DAB2IP: variants seen among roughly 807,000 people sequenced by gnomAD.
The protein encoded by DAB2IP is DAB2 interacting protein, also known as disabled homolog 2-interacting protein.
DAB2IP carries 28 observed loss-of-function variants against 107.2 expected under a neutral mutation model. That is an observed-to-expected ratio of 0.26 (90% CI 0.19 to 0.36). The LOEUF (loss-of-function observed/expected upper bound fraction) is 0.36. Among genes scored for constraint, DAB2IP ranks in the 10% least tolerant of loss-of-function variants. The pLI is 1.00. For missense variants in DAB2IP, 1,400 were observed against 1,644.7 expected, an observed-to-expected ratio of 0.85 and a Z score of 2.57; for synonymous variants, 755 against 706.4, an observed-to-expected ratio of 1.07 and a Z score of -1.09.
chr9:121,654,606 G>A (rs1832899113), intron 1 of DAB2IP, among the ~76,000 whole-genome samples: 3 of 152,212 alleles, frequency 2.0e-5, no homozygotes. Context: ...AGCCTCAGAC[G>A]CCTGACTCTA....
intron 1 of DAB2IP, among the ~76,000 whole-genome samples, chr9:121,674,895 G>GTGTGGT (rs1833831751): frequency 6.6e-6 from 1 of 150,758 alleles, no homozygotes; most frequent in African/African-American, 2.4e-5. Context: ...GTGTGTGTGT[G>GTGTGGT]GTGTGTGTGT....
chr9:121,656,660 T>C (rs977595930), intron 1 of DAB2IP, among the ~76,000 whole-genome samples: 1 of 152,212 alleles, frequency 6.6e-6, no homozygotes, highest in African/African-American at 2.4e-5. Context: ...TGGCTCCTTT[T>C]TGTTACGGCT....
intron 1 of DAB2IP, among the ~76,000 whole-genome samples, chr9:121,610,777 G>T (rs1831065870): frequency 6.6e-6 from 1 of 152,132 alleles, no homozygotes; most frequent in South Asian, 2.1e-4. Flanking sequence ...GCGGTATGCA[G>T]GCTCCATGAG....
chr9:121,639,677 A>G (rs1034525004), intron 1 of DAB2IP, among the ~76,000 whole-genome samples: 1 of 152,168 alleles, frequency 6.6e-6, no homozygotes, highest in African/African-American at 2.4e-5. Flanking sequence ...CATCTGTACC[A>G]TGAGGTTTAT....
exon 16 of DAB2IP, chr9:121,783,151 C>G: frequency 9.2e-7 from 1 of 1,083,198 alleles, no homozygotes; most frequent in Non-Finnish European, 1.1e-6. Flanking sequence ...TGAACCTGTC[C>G]CCAGAGCACC....
intron 3 of DAB2IP, among the ~76,000 whole-genome samples, chr9:121,745,193 G>A (rs1832640429): frequency 6.6e-6 from 1 of 152,158 alleles, no homozygotes; most frequent in South Asian, 2.1e-4. Context: ...GCTGTGTGAG[G>A]GTCAGAGGTG....
chr9:121,623,557 G>A (rs1831546281), intron 1 of DAB2IP, among the ~76,000 whole-genome samples: 1 of 152,050 alleles, frequency 6.6e-6, no homozygotes, highest in Admixed American at 6.6e-5. Context: ...TGTAGAGATG[G>A]GGGTCTGGCT....
intron 1 of DAB2IP, among the ~76,000 whole-genome samples, chr9:121,589,805 C>T (rs995049664): frequency 6.6e-6 from 1 of 152,136 alleles, no homozygotes; most frequent in Non-Finnish European, 1.5e-5. Context: ...GTCATAAAAG[C>T]TTGGCATTGC....
chr9:121,781,339 C>G (rs1168173802), intron 14 of DAB2IP, 125 bp from the exon 15 acceptor site: 1 of 906,776 alleles, frequency 1.1e-6, no homozygotes, highest in Non-Finnish European at 1.7e-6. Flanking sequence ...AGGCAAGTCT[C>G]TGACCCAAGG....
chr9:121,675,554 C>T (rs1833868139), intron 1 of DAB2IP, among the ~76,000 whole-genome samples: 1 of 152,168 alleles, frequency 6.6e-6, no homozygotes, highest in Non-Finnish European at 1.5e-5. Flanking sequence ...AGGTTTGCAT[C>T]CTGAGACTAA....
intron 2 of DAB2IP, among the ~76,000 whole-genome samples, chr9:121,687,842 A>G (rs1295261454): frequency 2.0e-5 from 3 of 152,198 alleles, no homozygotes; most frequent in Non-Finnish European, 2.9e-5. Flanking sequence ...CGCCTGGACC[A>G]TAGCATGCAG....
intron 1 of DAB2IP, among the ~76,000 whole-genome samples, chr9:121,613,955 C>T (rs1452573485): frequency 6.6e-6 from 1 of 152,130 alleles, no homozygotes; most frequent in East Asian, 1.9e-4. Flanking sequence ...CTGCCCTGTC[C>T]CTCATGGCTC....
intron 1 of DAB2IP, among the ~76,000 whole-genome samples, chr9:121,578,451 C>T (rs1037546554): frequency 5.3e-5 from 8 of 151,960 alleles, no homozygotes; most frequent in Non-Finnish European, 8.8e-5. Context: ...CTACCGTGCC[C>T]GGCAGCAAGA....
chr9:121,732,585 T>C (rs12000584), intron 3 of DAB2IP, among the ~76,000 whole-genome samples: 4,978 of 152,090 alleles, frequency 0.033, 292 homozygotes, highest in African/African-American at 0.11. Context: ...TGTGGGCTGA[T>C]GACATACATT....
chr9:121,644,363 G>A (rs538268717), intron 1 of DAB2IP, among the ~76,000 whole-genome samples: 1 of 152,278 alleles, frequency 6.6e-6, no homozygotes, highest in African/African-American at 2.4e-5. Context: ...TGGGGAGGCT[G>A]AGGCAGGTGG....
intron 1 of DAB2IP, among the ~76,000 whole-genome samples, chr9:121,590,202 G>A (rs531993950): frequency 6.6e-6 from 1 of 150,950 alleles, no homozygotes; most frequent in Admixed American, 6.7e-5. Context: ...AGTGAGGTCT[G>A]TGCATTTCCA....
At chr9:121,720,742 T>C (rs1830876758) in intron 3 of DAB2IP, among the ~76,000 whole-genome samples, 2 of 152,082 alleles carry the variant, frequency 1.3e-5, no homozygotes, top group Non-Finnish European at 2.9e-5. Flanking sequence ...GCAGGGCTCC[T>C]GGGGGCTGCA....
intron 15 of DAB2IP, 108 bp downstream of exon 15, chr9:121,781,659 G>A: frequency 8.8e-7 from 1 of 1,138,904 alleles, no homozygotes; most frequent in Admixed American, 2.0e-5. Context: ...ACACTGAGGG[G>A]AATAAGAAAC....
chr9:121,656,093 C>T (rs979641057), intron 1 of DAB2IP, among the ~76,000 whole-genome samples: 5 of 151,826 alleles, frequency 3.3e-5, no homozygotes, highest in African/African-American at 1.2e-4. Flanking sequence ...ACCGCAACCT[C>T]TGCCTCCCGG....
Sources: allele counts gnomAD v4.1 joint callset (sites outside exome capture counted in the v4.1 genomes callset), GRCh38; gene constraint gnomAD v4.1.1; transcripts MANE v1.5; gene names NCBI Gene and HGNC (gene_info 2026-07-23, HGNC 2026-07-21).